AGBL4: variants seen among roughly 807,000 people sequenced by gnomAD.
AGBL4 encodes the protein AGBL carboxypeptidase 4, also known as cytosolic carboxypeptidase 6.
A neutral mutation model predicts 66.4 loss-of-function variants in AGBL4; 58 were observed. That is an observed-to-expected ratio of 0.87 (90% CI 0.71 to 1.09). The LOEUF (loss-of-function observed/expected upper bound fraction) is 1.09, where lower values mean the gene tolerates loss of function less well. AGBL4 is among the 50% of genes least tolerant of loss of function. The pLI is 0.00. For synonymous variants in AGBL4, 234 were observed against 222.9 expected (o/e 1.05, Z -0.44); for missense variants, 579 against 631.0 (o/e 0.92, Z 0.88).
At position 49,260,110 on chromosome 1, in the gene AGBL4, G is replaced by A. The variant is rs1316701069; in HGVS notation, c.283-14246C>T. Among the ~76,000 whole-genome samples, 240 of 149,824 alleles carry A rather than the reference G, an allele frequency of 1.6e-3. 4 individuals are homozygous for A. The highest frequency in any genetic ancestry group is 5.6e-3 in the African/African-American group (232 of 41,106). ...AATAAAGATGTTCTTTGAAACCAAC[G>A]AGAACAAAGACACAACATACCAGAA... On this transcript the variant is annotated intron_variant, in intron 3 of 13. Coordinates refer to ENST00000371839, the MANE Select transcript of AGBL4 (RefSeq NM_032785.4).
intron 3 of AGBL4, among the ~76,000 whole-genome samples, chr1:49,669,925 TAAAGAA>T (rs1446661849): frequency 6.6e-6 from 1 of 151,900 alleles, no homozygotes; most frequent in African/African-American, 2.4e-5. Flanking sequence ...GAGCACAAGA[TAAAGAA>T]AAAGTTGGAT....
chr1:49,881,203 A>G (rs1463619652), intron 1 of AGBL4, among the ~76,000 whole-genome samples: 1 of 152,108 alleles, frequency 6.6e-6, no homozygotes, highest in Non-Finnish European at 1.5e-5. Context: ...CTATGTCCCT[A>G]CAAAGGACAT....
intron 3 of AGBL4, among the ~76,000 whole-genome samples, chr1:49,529,773 G>A (rs183851796): frequency 5.3e-4 from 81 of 152,204 alleles, no homozygotes; most frequent in Middle Eastern, 6.8e-3. Flanking sequence ...GGGTACATGT[G>A]TAGGAGGCAG....
chr1:49,165,617 A>G (rs1010816230), intron 4 of AGBL4, among the ~76,000 whole-genome samples: 3 of 151,942 alleles, frequency 2.0e-5, no homozygotes, highest in Non-Finnish European at 2.9e-5. Context: ...AAAATGGTAC[A>G]GAAGAACAGA....
chr1:48,950,159 T>C (rs1249654683), intron 5 of AGBL4, among the ~76,000 whole-genome samples: 1 of 151,550 alleles, frequency 6.6e-6, no homozygotes, highest in African/African-American at 2.4e-5. Flanking sequence ...TGCAATGGTG[T>C]GATCTCGGCT....
intron 4 of AGBL4, among the ~76,000 whole-genome samples, chr1:49,216,148 A>G (rs909874702): frequency 6.6e-6 from 1 of 152,172 alleles, no homozygotes; most frequent in Non-Finnish European, 1.5e-5. Flanking sequence ...TACAATCTGG[A>G]AAGTGCAAGG....
rs373253549 is a variant in AGBL4, at chr1:49,393,416, T to C, written c.283-147552A>G. Among the ~76,000 whole-genome samples the C allele has an allele frequency of 2.5e-4, 38 of 152,298 alleles. 1 individual carries two copies. Among genetic ancestry groups the C allele is most frequent in the African/African-American group, 9.1e-4 (38 of 41,570 alleles). The stretch of plus-strand genomic sequence containing the variant: ...TCACTTCTTATTCCCAATACTATAT[T>C]GTTATGTCACCAATATTTTAGATTG... On this transcript the variant is annotated intron_variant, in intron 3 of 13. Coordinates refer to ENST00000371839, the MANE Select transcript of AGBL4 (RefSeq NM_032785.4).
At chr1:49,168,430 T>G (rs1646672581) in intron 4 of AGBL4, among the ~76,000 whole-genome samples, 1 of 152,198 alleles carries the variant, frequency 6.6e-6, no homozygotes, top group African/African-American at 2.4e-5. Flanking sequence ...TTTTCCTTGA[T>G]GCTACCAATA....
chr1:48,973,746 C>T (rs950801228), intron 5 of AGBL4, among the ~76,000 whole-genome samples: 7 of 152,126 alleles, frequency 4.6e-5, no homozygotes, highest in African/African-American at 9.7e-5. Context: ...TGCATTTATT[C>T]GATGACTTCA....
At chr1:49,175,238 G>C (rs185608717) in intron 4 of AGBL4, among the ~76,000 whole-genome samples, 23 of 152,024 alleles carry the variant, frequency 1.5e-4, no homozygotes, top group Admixed American at 7.2e-4. Context: ...GATAAGGAGG[G>C]AAATGGGCAT....
chr1:49,333,336 G>C lies in AGBL4; in HGVS notation c.283-87472C>G, dbSNP rs373029110. Reference sequence around the variant, plus strand: ...CTATTAAAAATACAAAAATTACCTGGGCGTGGTGGCGCATGCCTGTAATCC... The same window carrying C: ...CTATTAAAAATACAAAAATTACCTGCGCGTGGTGGCGCATGCCTGTAATCC... On this transcript the variant is annotated intron_variant, in intron 3 of 13. Coordinates refer to ENST00000371839, the MANE Select transcript of AGBL4 (RefSeq NM_032785.4). 3.4e-4 allele frequency among the ~76,000 whole-genome samples: 51 copies of C among 152,172 alleles called. 1 individual carries two copies. In the South Asian group the frequency reaches 9.8e-3, roughly 29 times the overall value.
chr1:48,779,718 TTTTTTTTTTC>T (rs1168223372), intron 6 of AGBL4, among the ~76,000 whole-genome samples: 1 of 126,302 alleles, frequency 7.9e-6, no homozygotes, highest in East Asian at 2.9e-4. Flanking sequence ...TTTTTTTTTT[TTTTTTTTTTC>T]TTGAGACGGA....
chr1:49,576,316 AGCT>A (rs1274138562), intron 3 of AGBL4, among the ~76,000 whole-genome samples: 2 of 152,192 alleles, frequency 1.3e-5, no homozygotes, highest in Non-Finnish European at 2.9e-5. Flanking sequence ...CTGCTGTGCA[AGCT>A]GCTCTGCCAC....
chr1:48,637,840 T>C (rs191218231), intron 8 of AGBL4, among the ~76,000 whole-genome samples: 3 of 152,172 alleles, frequency 2.0e-5, no homozygotes, highest in Non-Finnish European at 4.4e-5. Context: ...AAATAAGTCA[T>C]AGAAAATTCT....
At chr1:49,821,905 T>C (rs1425025521) in intron 2 of AGBL4, among the ~76,000 whole-genome samples, 1 of 152,180 alleles carries the variant, frequency 6.6e-6, no homozygotes, top group Non-Finnish European at 1.5e-5. Flanking sequence ...CAATTCTTTT[T>C]TTAACTAATA....
intron 2 of AGBL4, among the ~76,000 whole-genome samples, chr1:49,777,244 T>C (rs1644221409): frequency 6.6e-6 from 1 of 152,040 alleles, no homozygotes; most frequent in African/African-American, 2.4e-5. Flanking sequence ...AAAATAATAA[T>C]CATTTAGACC....
At chr1:49,923,777 C>G (rs556982086) in intron 1 of AGBL4, among the ~76,000 whole-genome samples, 2 of 152,060 alleles carry the variant, frequency 1.3e-5, no homozygotes, top group African/African-American at 4.8e-5. Context: ...CCATTTCACA[C>G]CAGTCAGAAT....
chr1:48,982,030 A>C (rs1659813243), intron 5 of AGBL4, among the ~76,000 whole-genome samples: 1 of 152,198 alleles, frequency 6.6e-6, no homozygotes, highest in Non-Finnish European at 1.5e-5. Flanking sequence ...CTCACTAGGT[A>C]GATAAATGGT....
intron 1 of AGBL4, among the ~76,000 whole-genome samples, chr1:49,946,882 T>C (rs2148304551): frequency 6.6e-6 from 1 of 151,796 alleles, no homozygotes; most frequent in African/African-American, 2.4e-5. Context: ...ATATTACAAC[T>C]GACACGATAG....
Sources: allele counts gnomAD v4.1 joint callset (sites outside exome capture counted in the v4.1 genomes callset), GRCh38; gene constraint gnomAD v4.1.1; transcripts MANE v1.5; gene names NCBI Gene and HGNC (gene_info 2026-07-23, HGNC 2026-07-21).